The following LIFR variants were observed in gnomAD, a reference collection of about 807,000 sequenced individuals.
LIFR encodes the protein LIF receptor subunit alpha.
In LIFR, 84 loss-of-function variants were observed where a neutral mutation model predicts 122.2. That is an observed-to-expected ratio of 0.69 (90% confidence interval 0.58 to 0.82). LIFR has a LOEUF of 0.82. Ranked by LOEUF, LIFR falls within the 40% of genes least tolerant of loss-of-function variation. LIFR has a pLI of 0.00. For missense variants in LIFR, 1,294 were observed against 1,311.6 expected, an observed-to-expected ratio of 0.99 and a Z score of 0.21; for synonymous variants, 422 against 434.7, an observed-to-expected ratio of 0.97 and a Z score of 0.36.
In LIFR at chr5:38,554,294, TGTGAA is replaced by T. The variant is rs543130068; in HGVS notation, c.-20+2035_-20+2039del. ...GATGCCAAAGACTCTTATGGATTACTGTGAAGTTATATAGAAGCAAACAGTGTATG... is the reference window on the plus strand; with the variant it reads ...GATGCCAAAGACTCTTATGGATTACTGTTATATAGAAGCAAACAGTGTATG... On this transcript the variant is annotated intron_variant, in intron 1 of 19. Transcript: ENST00000453190. 3.4e-4 allele frequency among the ~76,000 whole-genome samples: 52 copies of T among 152,356 alleles called. 2 individuals carry two copies. The South Asian group carries it at 0.01, about 30-fold the overall frequency.
intron 1 of LIFR, among the ~76,000 whole-genome samples, chr5:38,547,504 T>A (rs1032133575): frequency 6.6e-6 from 1 of 152,118 alleles, no homozygotes; most frequent in Non-Finnish European, 1.5e-5. Context: ...TTTGGCCGTA[T>A]GAGGAAAATA....
chr5:38,509,529 G>A (rs1745678962), intron 7 of LIFR, among the ~76,000 whole-genome samples: 1 of 152,126 alleles, frequency 6.6e-6, no homozygotes, highest in Admixed American at 6.6e-5. Context: ...GAGTAAACGA[G>A]AGAGCTGCTG....
intron 1 of LIFR, among the ~76,000 whole-genome samples, chr5:38,567,533 T>TATTTATTTATTTATTA (rs1749065083): frequency 6.7e-6 from 1 of 150,184 alleles, no homozygotes; most frequent in Non-Finnish European, 1.5e-5. Flanking sequence ...TTTATTTATT[T>TATTTATTTATTTATTA]ATTTATTTAT....
At chr5:38,592,096 T>C (rs1308468299) in intron 1 of LIFR, among the ~76,000 whole-genome samples, 2 of 152,178 alleles carry the variant, frequency 1.3e-5, no homozygotes, top group Non-Finnish European at 2.9e-5. Flanking sequence ...TTTGGTGTTA[T>C]TATTTCTTCC....
chr5:38,517,783 G>A (rs948882209), intron 5 of LIFR, among the ~76,000 whole-genome samples: 3 of 145,626 alleles, frequency 2.1e-5, no homozygotes, highest in African/African-American at 7.8e-5. Flanking sequence ...CTTGAACCCG[G>A]GATTTGGAGG....
At chr5:38,503,928 C>A in intron 10 of LIFR, 48 bp downstream of exon 10, 7 of 1,325,896 alleles carry the variant, frequency 5.3e-6, no homozygotes, top group Non-Finnish European at 7.6e-6. Context: ...TTTTTGAGAA[C>A]TATTTTATCC....
intron 1 of LIFR, among the ~76,000 whole-genome samples, chr5:38,584,154 C>T (rs190482439): frequency 6.8e-4 from 104 of 152,238 alleles, no homozygotes; most frequent in African/African-American, 2.3e-3. Flanking sequence ...TACCATTTCA[C>T]ACCCTTTTGA....
chr5:38,577,771 G>A (rs1290540183), intron 1 of LIFR, among the ~76,000 whole-genome samples: 1 of 152,160 alleles, frequency 6.6e-6, no homozygotes, highest in Non-Finnish European at 1.5e-5. Context: ...AAAGCAGATT[G>A]GTTTTGGTTT....
chr5:38,585,812 T>G (rs1210974267), intron 1 of LIFR, among the ~76,000 whole-genome samples: 1 of 152,038 alleles, frequency 6.6e-6, no homozygotes, highest in African/African-American at 2.4e-5. Flanking sequence ...AAAATATAAG[T>G]CAATGGCAAA....
intron 12 of LIFR, among the ~76,000 whole-genome samples, 178 bp downstream of exon 12, chr5:38,499,335 G>A (rs1745053778): frequency 1.3e-5 from 2 of 152,160 alleles, no homozygotes; most frequent in South Asian, 4.1e-4. Context: ...TCAAATGACT[G>A]TGGGGAGTTA....
intron 1 of LIFR, among the ~76,000 whole-genome samples, chr5:38,567,667 T>C (rs1193983570): frequency 6.6e-6 from 1 of 152,050 alleles, no homozygotes; most frequent in East Asian, 1.9e-4. Flanking sequence ...TAGCTGGGAC[T>C]ACAGGGGCAT....
intron 1 of LIFR, among the ~76,000 whole-genome samples, chr5:38,538,919 C>T (rs192540102): frequency 6.6e-6 from 1 of 152,342 alleles, no homozygotes; most frequent in African/African-American, 2.4e-5. Context: ...CAATCTTCTT[C>T]CACCTCCTCT....
At chr5:38,559,770 A>G (rs569992575), upstream of LIFR, among the ~76,000 whole-genome samples, 8 of 152,362 alleles carry the variant, frequency 5.3e-5, no homozygotes, top group Non-Finnish European at 1.2e-4. Flanking sequence ...AGCTGTAAGT[A>G]CTTGCTGGAT....
In LIFR at chr5:38,555,257, C is replaced by T. The variant is rs192864047; in HGVS notation, c.-20+1077G>A. ...CTGCCAGGCTTAGACAAGAAACTCT[C>T]TGGTAACAGTGAAATGTAATTTCAG... On this transcript the variant is annotated intron_variant, in intron 1 of 19. Transcript: ENST00000453190. Among the ~76,000 whole-genome samples the T allele has an allele frequency of 4.9e-3, 753 of 152,288 alleles. 15 individuals carry two copies. Among genetic ancestry groups the T allele is most frequent in the Admixed American group, 0.042 (646 of 15,298 alleles).
chr5:38,541,934 G>GT (rs1306016742), intron 1 of LIFR, among the ~76,000 whole-genome samples: 1 of 152,158 alleles, frequency 6.6e-6, no homozygotes, highest in Non-Finnish European at 1.5e-5. Context: ...GGCCAATATT[G>GT]TAAGATGGCC....
intron 3 of LIFR, among the ~76,000 whole-genome samples, 194 bp from the exon 4 acceptor site, chr5:38,527,488 A>AACCTC (rs1746754668): frequency 6.6e-6 from 1 of 152,230 alleles, no homozygotes. Flanking sequence ...TAGGAAAAAC[A>AACCTC]ACCTCATTGT....
chr5:38,588,999 CTTT>C (rs70978896), intron 1 of LIFR, among the ~76,000 whole-genome samples: 16 of 116,372 alleles, frequency 1.4e-4, no homozygotes, highest in Non-Finnish European at 1.1e-4. Context: ...TATGTTATTT[CTTT>C]TTTTTTTTTT....
At chr5:38,571,179 T>A (rs1205768902) in intron 1 of LIFR, among the ~76,000 whole-genome samples, 1 of 152,190 alleles carries the variant, frequency 6.6e-6, no homozygotes, top group Non-Finnish European at 1.5e-5. Flanking sequence ...ACGTCAGTGA[T>A]CAGATTCAGA....
chr5:38,506,193 T>C (rs1745470072), intron 8 of LIFR, 119 bp from the exon 9 acceptor site: 1 of 683,352 alleles, frequency 1.5e-6, no homozygotes. Flanking sequence ...TAGAAGCATA[T>C]TACATACTCA....
Sources: allele counts gnomAD v4.1 joint callset (sites outside exome capture counted in the v4.1 genomes callset), GRCh38; gene constraint gnomAD v4.1.1; transcripts MANE v1.5; gene names NCBI Gene and HGNC (gene_info 2026-07-23, HGNC 2026-07-21).